LRRTM4: variants seen among roughly 807,000 people sequenced by gnomAD.
LRRTM4 encodes the protein leucine-rich repeat transmembrane neuronal protein 4.
LRRTM4 carries 25 observed loss-of-function variants against 47.6 expected under a neutral mutation model. That is an observed-to-expected ratio of 0.53 (90% CI 0.38 to 0.73). The LOEUF (loss-of-function observed/expected upper bound fraction) is 0.73, where lower values mean the gene tolerates loss of function less well. Among genes scored for constraint, LRRTM4 ranks in the 30% least tolerant of loss-of-function variants. The probability of loss-of-function intolerance (pLI) is 0.00; values close to 1 mark genes in which losing one functional copy is unlikely to be tolerated. For synonymous variants in LRRTM4, 311 were observed against 269.5 expected (o/e 1.15, Z -1.51); for missense variants, 638 against 713.4 (o/e 0.89, Z 1.20).
chr2:77,207,370 T>TACACAC (rs1462509982), intron 3 of LRRTM4, among the ~76,000 whole-genome samples: 57 of 122,578 alleles, frequency 4.7e-4, no homozygotes, highest in African/African-American at 2.1e-3. Flanking sequence ...TATATATATA[T>TACACAC]ATACACACAC....
intron 3 of LRRTM4, among the ~76,000 whole-genome samples, chr2:77,398,851 T>G (rs1055400242): frequency 6.6e-6 from 1 of 151,974 alleles, no homozygotes; most frequent in Middle Eastern, 3.4e-3. Context: ...CAGAGATTCA[T>G]TCCTTATCTA....
intron 3 of LRRTM4, among the ~76,000 whole-genome samples, chr2:77,057,431 T>C (rs1446690): frequency 0.35 from 52,664 of 152,056 alleles, 10,654 homozygotes; most frequent in African/African-American, 0.56. Context: ...TGGATTATCA[T>C]TGGCCACAAG....
chr2:77,095,724 G>T (rs970736566), intron 3 of LRRTM4, among the ~76,000 whole-genome samples: 16 of 152,094 alleles, frequency 1.1e-4, no homozygotes, highest in South Asian at 8.3e-4. Flanking sequence ...TGGCCAGGCT[G>T]GTCTCCGACT....
At chr2:76,886,814 G>A (rs2104132303) in intron 3 of LRRTM4, among the ~76,000 whole-genome samples, 1 of 152,010 alleles carries the variant, frequency 6.6e-6, no homozygotes, top group Non-Finnish European at 1.5e-5. Context: ...ACTCATTCCT[G>A]ATAGATTTAA....
chr2:77,166,165 C>T (rs1048671088), intron 3 of LRRTM4, among the ~76,000 whole-genome samples: 4 of 152,090 alleles, frequency 2.6e-5, no homozygotes, highest in Admixed American at 2.0e-4. Flanking sequence ...ACACCAATGA[C>T]AGACAAACAG....
intron 3 of LRRTM4, among the ~76,000 whole-genome samples, chr2:77,060,848 CAT>C (rs1174135994): frequency 3.3e-5 from 5 of 152,004 alleles, no homozygotes; most frequent in East Asian, 1.9e-4. Context: ...TTCATGGAAA[CAT>C]GTGAGCACAA....
At chr2:77,236,142 A>C (rs559984173) in intron 3 of LRRTM4, among the ~76,000 whole-genome samples, 1 of 152,192 alleles carries the variant, frequency 6.6e-6, no homozygotes, top group East Asian at 1.9e-4. Flanking sequence ...TGATTCTTCT[A>C]ATCCATGAAC....
At chr2:76,786,765 A>T (rs76965938) in intron 3 of LRRTM4, among the ~76,000 whole-genome samples, 2 of 152,070 alleles carry the variant, frequency 1.3e-5, no homozygotes, top group East Asian at 3.8e-4. Context: ...GAAAAAAAAA[A>T]TGCATCATTT....
intron 3 of LRRTM4, among the ~76,000 whole-genome samples, chr2:77,222,909 G>A (rs541658681): frequency 1.3e-5 from 2 of 152,160 alleles, no homozygotes; most frequent in East Asian, 1.9e-4. Context: ...AATAAAAAAC[G>A]AGAATTTTAG....
chr2:76,841,883 G>T (rs61345103), intron 3 of LRRTM4, among the ~76,000 whole-genome samples: 1 of 151,936 alleles, frequency 6.6e-6, no homozygotes, highest in Non-Finnish European at 1.5e-5. Flanking sequence ...GAAAAAACTA[G>T]AGAGGAAGAT....
intron 3 of LRRTM4, among the ~76,000 whole-genome samples, chr2:76,838,807 A>C (rs2103923800): frequency 6.6e-6 from 1 of 152,228 alleles, no homozygotes; most frequent in South Asian, 2.1e-4. Flanking sequence ...GATGGACTCA[A>C]AGAGCTAGAT....
chr2:77,001,021 CAAAT>C (rs947758238), intron 3 of LRRTM4, among the ~76,000 whole-genome samples: 1 of 152,104 alleles, frequency 6.6e-6, no homozygotes, highest in African/African-American at 2.4e-5. Flanking sequence ...ACCTGACACA[CAAAT>C]AAAATATTCT....
chr2:76,773,061 G>A (rs1372041533), intron 3 of LRRTM4: 1 of 152,158 alleles, frequency 6.6e-6, no homozygotes, highest in Admixed American at 6.5e-5. Flanking sequence ...CAAGGATAAG[G>A]AGTACTATTG....
chr2:77,215,922 G>A (rs1397320716), intron 3 of LRRTM4, among the ~76,000 whole-genome samples: 1 of 152,114 alleles, frequency 6.6e-6, no homozygotes, highest in Non-Finnish European at 1.5e-5. Flanking sequence ...TATTGCTAAT[G>A]GCAACATTGA....
At chr2:76,848,191 T>C (rs1165978652) in intron 3 of LRRTM4, among the ~76,000 whole-genome samples, 1 of 152,150 alleles carries the variant, frequency 6.6e-6, no homozygotes, top group African/African-American at 2.4e-5. Flanking sequence ...TTACTGTGTA[T>C]TGATGTTTTA....
chr2:76,985,694 A>G (rs1676769867), intron 3 of LRRTM4, among the ~76,000 whole-genome samples: 1 of 152,040 alleles, frequency 6.6e-6, no homozygotes, highest in African/African-American at 2.4e-5. Context: ...GGCAATCAAA[A>G]AGGAGATAAA....
intron 3 of LRRTM4, among the ~76,000 whole-genome samples, chr2:77,510,752 T>A (rs1309511835): frequency 6.6e-6 from 1 of 152,058 alleles, no homozygotes; most frequent in Non-Finnish European, 1.5e-5. Context: ...TTAGTTTGTC[T>A]GCTTTATTAA....
At chr2:77,197,996 C>T (rs1043313295) in intron 3 of LRRTM4, among the ~76,000 whole-genome samples, 4 of 152,116 alleles carry the variant, frequency 2.6e-5, no homozygotes, top group Admixed American at 6.6e-5. Context: ...CACACATGCA[C>T]GACTTTATGT....
At chr2:77,231,271 C>A (rs1248998897) in intron 3 of LRRTM4, among the ~76,000 whole-genome samples, 2 of 151,514 alleles carry the variant, frequency 1.3e-5, no homozygotes, top group Non-Finnish European at 2.9e-5. Flanking sequence ...ACCACAAAGA[C>A]CAGATAGGCA....
Sources: gnomAD v4.1 joint callset for allele counts (sites outside exome capture counted in the v4.1 genomes callset) on GRCh38, gnomAD v4.1.1 for gene constraint, MANE v1.5 for transcripts, NCBI Gene and HGNC (gene_info 2026-07-23, HGNC 2026-07-21) for gene names.